Variants in ADCY7 observed in about 807,000 individuals in gnomAD.
The protein encoded by ADCY7 is adenylate cyclase type 7.
A neutral mutation model predicts 120.6 loss-of-function variants in ADCY7; 72 were observed. The ratio of observed to expected loss-of-function variants is 0.60; its 90% CI spans 0.49 to 0.73. The LOEUF (loss-of-function observed/expected upper bound fraction) is 0.73. Ranked by LOEUF, ADCY7 falls within the 30% of genes least tolerant of loss-of-function variation. ADCY7 has a pLI of 0.00. For missense variants in ADCY7, 1,227 were observed against 1,486.0 expected, an observed-to-expected ratio of 0.83 and a Z score of 2.87; for synonymous variants, 661 against 628.0, an observed-to-expected ratio of 1.05 and a Z score of -0.78.
At chr16:50,311,932 A>G in intron 20 of ADCY7, 104 bp from the exon 21 acceptor site, 1 of 1,540,344 alleles carries the variant, frequency 6.5e-7, no homozygotes, top group Non-Finnish European at 8.9e-7. Flanking sequence ...CCCTGGCCAG[A>G]GGCTCCAAGG....
Position 50,307,139 on chromosome 16 carries a change from C to G in ADCY7, c.1842C>G (p.Leu614=). 6.2e-7 allele frequency: 1 copy of G among 1,611,812 alleles called. No homozygotes were observed. The highest frequency in any genetic ancestry group is 8.5e-7 in the Non-Finnish European group (1 of 1,179,958). The part of the protein sequence containing the change: ...FVCILLVHVL[L]MPRTAALGVS... ...GCATCCTGCTCGTCCATGTCCTGCT[C>G]ATGCCCAGGTCAGTTGCAGGGAGGG... Residue 614 remains leucine, a synonymous_variant, in exon 15 of 26, where the codon CTC becomes CTG. Coordinates refer to ENST00000673801, the MANE Select transcript of ADCY7 (RefSeq NM_001114.5).
rs2036666133 is a variant in ADCY7, at chr16:50,314,319, G to A, written c.2884G>A (p.Gly962Ser). 2 of 1,614,056 alleles carry A rather than the reference G, an allele frequency of 1.2e-6. No homozygotes were observed. The highest frequency in any genetic ancestry group is 1.7e-6 in the Non-Finnish European group (2 of 1,180,036). The stretch of plus-strand genomic sequence containing the variant: ...GCTGGAGCGGCAGCATGCCCACATT[G>A]GTGTCATGGTGGAGTTCAGCATCGC... ...QELERQHAHI[G>S]VMVEFSIALM... is the part of the protein sequence containing the mutation. The change falls in exon 24 of 26, where the codon GGT becomes AGT. Residue 962 changes from glycine (G) to serine (S), a missense_variant. Physicochemically the swap from Gly to Ser is moderately conservative, Grantham distance 56. Transcript: ENST00000673801.
chr16:50,305,761 C>A lies in ADCY7; in HGVS notation c.1680-16C>A. 1 of 1,613,416 alleles carries A rather than the reference C, an allele frequency of 6.2e-7. No homozygotes were observed. Among genetic ancestry groups the A allele is most frequent in the Non-Finnish European group, 8.5e-7 (1 of 1,179,506 alleles). On this transcript the variant is annotated splice_polypyrimidine_tract_variant and intron_variant, in intron 13 of 25. Transcript: ENST00000673801. Reference sequence around the variant, plus strand: ...CTTCCCAGCCCCCATCTCACCGCAGCTGCCCCCGCCCACAGGCCCTGCTGC... The same window carrying A: ...CTTCCCAGCCCCCATCTCACCGCAGATGCCCCCGCCCACAGGCCCTGCTGC...
intron 7 of ADCY7, 105 bp downstream of exon 7, chr16:50,294,856 C>A: frequency 1.3e-6 from 1 of 761,522 alleles, no homozygotes; most frequent in Non-Finnish European, 2.1e-6. Context: ...GATGGGGAGG[C>A]GTGGCTGAAT....
upstream of ADCY7, among the ~76,000 whole-genome samples, chr16:50,245,319 G>A (rs1443145974): frequency 6.6e-6 from 1 of 152,184 alleles, no homozygotes; most frequent in Non-Finnish European, 1.5e-5. Flanking sequence ...AGTGAAGTGG[G>A]AACCCCCAAT....
Position 50,291,700 on chromosome 16 carries a change from T to G in ADCY7, c.376-36T>G, listed in dbSNP as rs375244085. On this transcript the variant is annotated intron_variant, in intron 3 of 25. Coordinates refer to ENST00000673801, the MANE Select transcript of ADCY7 (RefSeq NM_001114.5). Reference sequence around the variant, plus strand: ...GGGGGCTGTACGGCCTGGGGCAGCATCTTGGGGCACCGGGCTCACCAGGCT... The same window carrying G: ...GGGGGCTGTACGGCCTGGGGCAGCAGCTTGGGGCACCGGGCTCACCAGGCT... The G allele has an allele frequency of 1.9e-5, 31 of 1,612,956 alleles. No individual in the cohort carries two copies. In the African/African-American group the frequency reaches 3.9e-4, roughly 20 times the overall value.
intron 7 of ADCY7, among the ~76,000 whole-genome samples, chr16:50,295,161 A>T (rs1382042642): frequency 6.6e-6 from 1 of 152,030 alleles, no homozygotes; most frequent in Non-Finnish European, 1.5e-5. Context: ...AATCATGTGC[A>T]CATTAAACTT....
intron 1 of ADCY7, among the ~76,000 whole-genome samples, chr16:50,286,476 G>T (rs1265697763): frequency 2.0e-5 from 3 of 151,150 alleles, no homozygotes; most frequent in Non-Finnish European, 4.4e-5. Flanking sequence ...TTTATGTGGA[G>T]CTTACTGTAA....
intron 7 of ADCY7, among the ~76,000 whole-genome samples, chr16:50,298,237 C>T (rs1212635063): frequency 6.6e-6 from 1 of 152,094 alleles, no homozygotes; most frequent in Non-Finnish European, 1.5e-5. Context: ...CTGTCCTCAC[C>T]CCCCACTCCT....
rs1189159502 is a variant in ADCY7 at position 50,255,714 on chromosome 16, A to G, written c.-64+9511A>G. Reference sequence around the variant, plus strand: ...AACATGCTGCCCAGGCTGGTCTCGAACTCCTGAGCTCAAGGGCTCTGCCTG... The same window carrying G: ...AACATGCTGCCCAGGCTGGTCTCGAGCTCCTGAGCTCAAGGGCTCTGCCTG... On this transcript the variant is annotated intron_variant, in intron 1 of 4. Coordinates refer to the ADCY7 transcript ENST00000564044. Among the ~76,000 whole-genome samples, 4 of 152,024 alleles carry G rather than the reference A, an allele frequency of 2.6e-5. No individual in the cohort carries two copies. The South Asian group carries it at 6.2e-4, about 24-fold the overall frequency.
intron 2 of ADCY7, chr16:50,289,285 C>T (rs1394584009): frequency 2.3e-6 from 1 of 430,580 alleles, no homozygotes; most frequent in Non-Finnish European, 4.6e-6. Flanking sequence ...ATCCTCCTGC[C>T]TTGGCCTCCC....
chr16:50,313,759 CA>C (rs1210453998), intron 22 of ADCY7, 198 bp from the exon 23 acceptor site: 1 of 577,166 alleles, frequency 1.7e-6, no homozygotes, highest in East Asian at 2.8e-5. Context: ...GGGACGGAGA[CA>C]ACAGGAAGAG....
At chr16:50,309,419 C>T in intron 17 of ADCY7, 129 bp from the exon 18 acceptor site, 2 of 726,964 alleles carry the variant, frequency 2.8e-6, no homozygotes, top group South Asian at 1.8e-5. Context: ...GAGCCGTGCT[C>T]AGAGCTGATC....
intron 1 of ADCY7, among the ~76,000 whole-genome samples, chr16:50,252,964 G>T (rs1243674073): frequency 2.0e-5 from 3 of 152,164 alleles, no homozygotes; most frequent in African/African-American, 4.8e-5. Context: ...AAGAAAAAAA[G>T]TTGAGCATTA....
chr16:50,273,308 C>T (rs1018746047), intron 1 of ADCY7, among the ~76,000 whole-genome samples: 1 of 152,222 alleles, frequency 6.6e-6, no homozygotes, highest in Non-Finnish European at 1.5e-5. Context: ...AGATTCACGG[C>T]CTGCTGTTGG....
upstream of ADCY7, among the ~76,000 whole-genome samples, chr16:50,265,026 G>A (rs753421486): frequency 3.3e-5 from 5 of 151,930 alleles, no homozygotes; most frequent in Non-Finnish European, 5.9e-5. Context: ...TAGTAGAAAC[G>A]GGATTTTGCC....
chr16:50,315,197 G>T (rs2151110093), intron 25 of ADCY7, 59 bp downstream of exon 25: 1 of 1,601,252 alleles, frequency 6.2e-7, no homozygotes, highest in East Asian at 2.2e-5. Flanking sequence ...CAGAGGTGAG[G>T]GGACTTGGAC....
At chr16:50,314,665 A>T (rs2036694419) in intron 24 of ADCY7, 3 of 495,110 alleles carry the variant, frequency 6.1e-6, no homozygotes, top group Non-Finnish European at 1.1e-5. Flanking sequence ...ACCTTAAAAT[A>T]TAGAGAAGGA....
chr16:50,291,609 G>A (rs548157356), intron 3 of ADCY7, 127 bp from the exon 4 acceptor site: 10 of 1,025,004 alleles, frequency 9.8e-6, no homozygotes, highest in South Asian at 5.7e-5. Flanking sequence ...GTCTGCCCAC[G>A]CAGGGGGTGG....
Sources: allele counts gnomAD v4.1 joint callset (sites outside exome capture counted in the v4.1 genomes callset), GRCh38; gene constraint gnomAD v4.1.1; transcripts MANE v1.5; gene names NCBI Gene and HGNC (gene_info 2026-07-23, HGNC 2026-07-21).